PPP3CB: variants seen among roughly 807,000 people sequenced by gnomAD.
The protein encoded by PPP3CB is serine/threonine-protein phosphatase 2B catalytic subunit beta isoform.
Under a neutral mutation model 66.4 loss-of-function variants are expected in PPP3CB, and 8 were observed. That is an observed-to-expected ratio of 0.12 (90% CI 0.07 to 0.22). PPP3CB has a LOEUF of 0.22. PPP3CB is among the 10% of genes least tolerant of loss of function. The pLI, the probability that PPP3CB is intolerant of heterozygous loss-of-function variation, is 1.00. For missense variants in PPP3CB, 319 were observed against 642.5 expected, an observed-to-expected ratio of 0.50 and a Z score of 5.44; for synonymous variants, 208 against 221.2, an observed-to-expected ratio of 0.94 and a Z score of 0.53.
intron 2 of PPP3CB, 25 bp from the exon 3 acceptor site, chr10:73,478,648 A>C: frequency 1.3e-6 from 2 of 1,596,690 alleles, no homozygotes; most frequent in African/African-American, 1.4e-5. Flanking sequence ...TTATTAGATA[A>C]GGGAAAAAAA....
At chr10:73,489,302 A>T (rs1343482897) in intron 1 of PPP3CB, among the ~76,000 whole-genome samples, 1 of 152,112 alleles carries the variant, frequency 6.6e-6, no homozygotes, top group Non-Finnish European at 1.5e-5. Flanking sequence ...CTAATTAGAC[A>T]ACCTGCTTTA....
chr10:73,480,250 A>T (rs1312904110), intron 1 of PPP3CB, among the ~76,000 whole-genome samples: 1 of 152,184 alleles, frequency 6.6e-6, no homozygotes, highest in South Asian at 2.1e-4. Context: ...TTAACGTTTC[A>T]CAAAACACCT....
chr10:73,479,557 AATAC>A, intron 1 of PPP3CB, 40 bp from the exon 2 acceptor site: 2 of 1,566,374 alleles, frequency 1.3e-6, no homozygotes, highest in Non-Finnish European at 1.7e-6. Context: ...AGTCACCAAA[AATAC>A]ATTAACTTAA....
At chr10:73,493,339 C>T (rs150448767) in intron 1 of PPP3CB, among the ~76,000 whole-genome samples, 1 of 151,962 alleles carries the variant, frequency 6.6e-6, no homozygotes, top group African/African-American at 2.4e-5. Context: ...CAGACAGTCT[C>T]CATAATATCA....
At chr10:73,475,564 C>A (rs545534717) in intron 3 of PPP3CB, among the ~76,000 whole-genome samples, 1 of 152,172 alleles carries the variant, frequency 6.6e-6, no homozygotes, top group African/African-American at 2.4e-5. Context: ...GGATTCTGAT[C>A]CTCTGATCTT....
chr10:73,468,218 T>C (rs968448172), intron 8 of PPP3CB, among the ~76,000 whole-genome samples: 3 of 152,132 alleles, frequency 2.0e-5, no homozygotes, highest in African/African-American at 7.2e-5. Context: ...CAGACAAAAT[T>C]ACTACAAAGA....
chr10:73,474,543 C>T (rs1025847799), intron 4 of PPP3CB, among the ~76,000 whole-genome samples: 2 of 152,060 alleles, frequency 1.3e-5, no homozygotes, highest in African/African-American at 4.8e-5. Context: ...AGCGATCCTC[C>T]CACCTCAGCC....
At chr10:73,495,089 G>A (rs74147526) in intron 1 of PPP3CB, among the ~76,000 whole-genome samples, 3,840 of 152,272 alleles carry the variant, frequency 0.025, 179 homozygotes, top group African/African-American at 0.086. Flanking sequence ...GTGTTTGTAA[G>A]GGAGGGGTAA....
intron 12 of PPP3CB, among the ~76,000 whole-genome samples, chr10:73,441,994 G>A (rs1360265878): frequency 6.6e-6 from 1 of 151,824 alleles, no homozygotes; most frequent in Non-Finnish European, 1.5e-5. Context: ...CTAACATCAG[G>A]GAACATTATC....
rs543584284 is a variant in PPP3CB, at chr10:73,464,399, T to TA, written c.1108+3153dup. Among the ~76,000 whole-genome samples, 21 of 152,048 alleles carry TA rather than the reference T, an allele frequency of 1.4e-4. No homozygotes were observed. In the South Asian group the frequency reaches 3.3e-3, roughly 24 times the overall value. On this transcript the variant is annotated intron_variant, in intron 9 of 13. Coordinates refer to ENST00000360663, the MANE Select transcript of PPP3CB (RefSeq NM_021132.4). ...TCCTTGGTACCTTGAATAAAACACT[T>TA]AAAAAAAATCTAGTCAATAAATAAA...
intron 12 of PPP3CB, chr10:73,444,374 A>G (rs1389577865): frequency 3.7e-6 from 2 of 544,538 alleles, no homozygotes; most frequent in Non-Finnish European, 6.3e-6. Context: ...TAACAGGAAT[A>G]TCCCTGATTC....
chr10:73,479,381 G>C lies in PPP3CB; in HGVS notation c.222C>G (p.Ile74Met). Residue 74 changes from isoleucine (I) to methionine (M), a missense_variant, in exon 2 of 14, where the codon ATC (isoleucine) becomes ATG (methionine). Physicochemically the swap from Ile to Met is conservative, Grantham distance 10. Around this residue, in one of 5 missense-constraint regions of PPP3CB, gnomAD observed 104 missense variants for 128.4 expected, o/e 0.81. Transcript: ENST00000360663. The part of the protein sequence containing the change: ...RVDEEIALRI[I>M]NEGAAILRRE... ...TCCGAAGGATGGCAGCACCCTCATT[G>C]ATAATTCTAAGCGCAATTTCTTCAT... The C allele has an allele frequency of 1.2e-6, 2 of 1,614,076 alleles. No homozygotes were observed. Among genetic ancestry groups the C allele is most frequent in the African/African-American group, 1.3e-5 (1 of 75,040 alleles).
chr10:73,452,076 A>T (rs1028436730), intron 10 of PPP3CB, among the ~76,000 whole-genome samples: 7 of 151,644 alleles, frequency 4.6e-5, no homozygotes, highest in Non-Finnish European at 8.8e-5. Context: ...AAAAAAATTT[A>T]AAAAACCTCC....
chr10:73,471,408 G>T, intron 5 of PPP3CB, 60 bp downstream of exon 5: 2 of 1,500,956 alleles, frequency 1.3e-6, no homozygotes, highest in Non-Finnish European at 1.8e-6. Flanking sequence ...TGAAACTTCT[G>T]CTCTACTCAA....
intron 9 of PPP3CB, among the ~76,000 whole-genome samples, chr10:73,460,265 C>CAAAAAAAAAAAAAAAAAA (rs11447229): frequency 1.7e-4 from 6 of 35,822 alleles, no homozygotes; most frequent in African/African-American, 4.7e-4. Flanking sequence ...AAAGTAATAG[C>CAAAAAAAAAAAAAAAAAA]AAAAAAAAAA....
At chr10:73,475,573 T>G (rs564330571) in intron 3 of PPP3CB, among the ~76,000 whole-genome samples, 2 of 152,348 alleles carry the variant, frequency 1.3e-5, no homozygotes, top group South Asian at 4.1e-4. Flanking sequence ...TCCTCTGATC[T>G]TAAGCATTAT....
At chr10:73,493,004 G>A (rs1224226481) in intron 1 of PPP3CB, among the ~76,000 whole-genome samples, 4 of 152,212 alleles carry the variant, frequency 2.6e-5, no homozygotes, top group East Asian at 1.9e-4. Flanking sequence ...GGCCGGGCGC[G>A]GTGGCTCACG....
rs1049035086 is a variant in PPP3CB, at chr10:73,484,665, G to A, written c.86-5148C>T. 5.3e-5 allele frequency among the ~76,000 whole-genome samples: 8 copies of A among 151,156 alleles called. 1 individual carries two copies. Among genetic ancestry groups the A allele is most frequent in the Admixed American group, 3.3e-4 (5 of 15,190 alleles). ...TGTTTCCTTACTTTTCTATATTTGC[G>A]ACAGGGAAAAACCAGAAAACAAATG... On this transcript the variant is annotated intron_variant, in intron 1 of 13. Coordinates refer to ENST00000360663, the MANE Select transcript of PPP3CB (RefSeq NM_021132.4).
At chr10:73,491,281 A>T (rs977925909) in intron 1 of PPP3CB, among the ~76,000 whole-genome samples, 2 of 151,642 alleles carry the variant, frequency 1.3e-5, no homozygotes, top group Non-Finnish European at 2.9e-5. Context: ...CACCTGCCTC[A>T]GCCTCCCAAA....
Sources: gnomAD v4.1 joint callset for allele counts (sites outside exome capture counted in the v4.1 genomes callset) on GRCh38, gnomAD v4.1.1 for gene constraint, gnomAD v4.1.1 regional missense constraint, MANE v1.5 for transcripts, NCBI Gene and HGNC (gene_info 2026-07-23, HGNC 2026-07-21) for gene names.